The following OPRM1 variants were observed in gnomAD, a reference collection of about 807,000 sequenced individuals.
The protein encoded by OPRM1 is mu-type opioid receptor.
In OPRM1, 27 loss-of-function variants were observed where a neutral mutation model predicts 31.8. The observed-to-expected ratio is 0.85, with a 90% confidence interval of 0.63 to 1.17. OPRM1 has a LOEUF of 1.17. OPRM1 is among the 50% of genes most tolerant of loss of function. The pLI is 0.00. For synonymous variants in OPRM1, 196 were observed against 189.9 expected, an observed-to-expected ratio of 1.03 and a Z score of -0.26; for missense variants, 536 against 511.1, an observed-to-expected ratio of 1.05 and a Z score of -0.47.
intron 3 of OPRM1, among the ~76,000 whole-genome samples, chr6:154,187,979 C>T (rs1801532552): frequency 6.6e-6 from 1 of 152,156 alleles, no homozygotes; most frequent in Non-Finnish European, 1.5e-5. Flanking sequence ...CACAAAAATG[C>T]CCATGATTGC....
intron 1 of OPRM1, among the ~76,000 whole-genome samples, chr6:154,051,358 G>A (rs951416308): frequency 3.9e-5 from 6 of 152,118 alleles, no homozygotes; most frequent in African/African-American, 1.2e-4. Context: ...AAGTAAACTA[G>A]ACATTCCATC....
At chr6:154,075,633 G>C (rs1787731478) in intron 1 of OPRM1, among the ~76,000 whole-genome samples, 1 of 151,970 alleles carries the variant, frequency 6.6e-6, no homozygotes, top group Non-Finnish European at 1.5e-5. Flanking sequence ...TGTAATTTTA[G>C]TAGAAATGGG....
chr6:154,221,337 AG>A, intron 3 of OPRM1: 1 of 1,612,896 alleles, frequency 6.2e-7, no homozygotes, highest in East Asian at 2.2e-5. Context: ...CACTTGAAGG[AG>A]GAAAAGCACA....
intron 1 of OPRM1, among the ~76,000 whole-genome samples, chr6:154,041,527 A>G (rs1411555764): frequency 6.6e-6 from 1 of 152,232 alleles, no homozygotes; most frequent in Non-Finnish European, 1.5e-5. Context: ...TCTAGAGATT[A>G]TCTATGCTAA....
At chr6:154,198,631 T>TACACACACACACACACACACACACACAC in intron 3 of OPRM1, among the ~76,000 whole-genome samples, 1 of 146,698 alleles carries the variant, frequency 6.8e-6, no homozygotes, top group Non-Finnish European at 1.5e-5. Flanking sequence ...AAATATTACA[T>TACACACACACACACACACACACACACAC]ACACACACAC....
chr6:154,152,296 G>GAAGAAAGAAAGAAAGA lies in OPRM1; in HGVS notation c.1164+60860_1164+60875dup, dbSNP rs1165338713. On this transcript the variant is annotated intron_variant, in intron 3 of 3. Coordinates refer to the OPRM1 transcript ENST00000337049. ...AAGAAAAGGAAAGAAAAGGAAGAGA[G>GAAGAAAGAAAGAAAGA]AAGAAAGAAAGAAAGAAAGAAAGAA... 2.1e-4 allele frequency among the ~76,000 whole-genome samples: 20 copies of GAAGAAAGAAAGAAAGA among 96,604 alleles called. 1 individual carries two copies. Among genetic ancestry groups the GAAGAAAGAAAGAAAGA allele is most frequent in the African/African-American group, 8.4e-4 (20 of 23,694 alleles). 63.4% of individuals were successfully genotyped at this position (96,604 alleles called of 152,430 possible).
rs1797171776 is a variant in OPRM1, at chr6:154,119,209, T to C, written c.*488T>C. 1 of 986,112 alleles carries C rather than the reference T, an allele frequency of 1.0e-6. No homozygotes were observed. The highest frequency in any genetic ancestry group is 1.2e-6 in the Non-Finnish European group (1 of 830,130). The allele number at this position is 986,112 out of a possible 1,614,324, so 61.1% of individuals were successfully genotyped here. A position where few individuals can be genotyped will look rare whatever the true frequency, so the allele number is the denominator to read the frequency against. ...AATCCATTATTCTATTTTAGACTTT[T>C]AACTTCACCTTAAAATTAGCATCTG... On this transcript the variant is annotated 3_prime_UTR_variant, in exon 4 of 4. Coordinates refer to ENST00000330432, the MANE Select transcript of OPRM1 (RefSeq NM_000914.5).
Position 154,039,269 on chromosome 6 carries a change from A to C in OPRM1, c.-276A>C, listed in dbSNP as rs1779528860. On this transcript the variant is annotated 5_prime_UTR_variant, in exon 1 of 4. An upstream start codon of the reference 5' UTR is lost. Coordinates refer to ENST00000330432, the MANE Select transcript of OPRM1 (RefSeq NM_000914.5). ...CTCCCTTCCAGCCTCCGAATCCCGC[A>C]TGGCCCACGCTCCCCTCCTGCAGCG... The C allele has an allele frequency of 6.4e-7, 1 of 1,551,404 alleles. No homozygotes were observed. The highest frequency in any genetic ancestry group is 2.0e-5 in the Admixed American group (1 of 50,960).
At chr6:154,044,678 A>T (rs902843801) in intron 1 of OPRM1, among the ~76,000 whole-genome samples, 5 of 152,238 alleles carry the variant, frequency 3.3e-5, no homozygotes, top group African/African-American at 1.2e-4. Flanking sequence ...TAAATAAAGC[A>T]TAATTTCTCT....
intron 1 of OPRM1, among the ~76,000 whole-genome samples, chr6:154,053,545 A>G (rs1230977147): frequency 6.6e-6 from 1 of 152,234 alleles, no homozygotes; most frequent in African/African-American, 2.4e-5. Context: ...TAGCTGGGTA[A>G]AAAGGAGTGC....
At chr6:154,214,318 G>GC (rs1778208988) in intron 3 of OPRM1, 5 of 1,347,912 alleles carry the variant, frequency 3.7e-6, no homozygotes, top group African/African-American at 1.4e-5. Context: ...AAAGAGATTA[G>GC]CCCCCCACCC....
At chr6:154,132,814 A>C (rs963902499), downstream of OPRM1, among the ~76,000 whole-genome samples, 2 of 152,222 alleles carry the variant, frequency 1.3e-5, no homozygotes, top group Non-Finnish European at 2.9e-5. Context: ...TCTCAACATG[A>C]AAACACTTTA....
intron 3 of OPRM1, among the ~76,000 whole-genome samples, chr6:154,142,262 C>T (rs562477698): frequency 1.9e-3 from 101 of 52,324 alleles, no homozygotes; most frequent in Non-Finnish European, 3.8e-3. Flanking sequence ...AACAATAGGT[C>T]GCAGCCAGCG....
intron 1 of OPRM1, among the ~76,000 whole-genome samples, chr6:154,057,641 A>C (rs1482759128): frequency 6.6e-6 from 1 of 152,240 alleles, no homozygotes; most frequent in Non-Finnish European, 1.5e-5. Context: ...AGTGCTATTG[A>C]CCATAATTTA....
intron 3 of OPRM1, among the ~76,000 whole-genome samples, chr6:154,197,738 C>A (rs1026859227): frequency 5.9e-5 from 9 of 152,168 alleles, no homozygotes; most frequent in African/African-American, 9.7e-5. Flanking sequence ...TAAAAGAAAA[C>A]CCTCAACCTC....
intron 1 of OPRM1, among the ~76,000 whole-genome samples, chr6:154,051,800 C>A (rs573914269): frequency 6.6e-6 from 1 of 152,132 alleles, no homozygotes; most frequent in African/African-American, 2.4e-5. Flanking sequence ...CCAGAAATAT[C>A]ATTTGACCCA....
intron 1 of OPRM1, among the ~76,000 whole-genome samples, chr6:154,045,651 C>T (rs1039528998): frequency 6.6e-6 from 1 of 152,188 alleles, no homozygotes; most frequent in Non-Finnish European, 1.5e-5. Context: ...CTACCTCAGC[C>T]GTTGATATGG....
intron 3 of OPRM1, among the ~76,000 whole-genome samples, chr6:154,100,005 T>G (rs1285473709): frequency 8.4e-6 from 1 of 119,602 alleles, no homozygotes; most frequent in Non-Finnish European, 1.8e-5. Flanking sequence ...ATTATCATAT[T>G]ATGATATATA....
Position 154,168,056 on chromosome 6 carries a change from T to C in OPRM1, c.1164+76584T>C. The C allele has an allele frequency of 1.9e-6, 3 of 1,608,584 alleles. No individual in the cohort carries two copies. Among genetic ancestry groups the C allele is most frequent in the Non-Finnish European group, 2.6e-6 (3 of 1,175,766 alleles). On this transcript the variant is annotated intron_variant, in intron 3 of 3. Transcript: ENST00000337049. The surrounding 1 kb of genome is among the most constrained non-coding windows in gnomAD (Gnocchi z 4.1). ...GTCCCCAAGAGGAGATAGACTAGCT[T>C]GCTCTAATGATTTGTACAGCTTCTC...
Sources: gnomAD v4.1 joint callset for allele counts (sites outside exome capture counted in the v4.1 genomes callset) on GRCh38, gnomAD v4.1.1 for gene constraint, Gnocchi (gnomAD v3.1) non-coding constraint, MANE v1.5 for transcripts, NCBI Gene and HGNC (gene_info 2026-07-23, HGNC 2026-07-21) for gene names.